GNAQ: variants seen among roughly 807,000 people sequenced by gnomAD.
GNAQ encodes the protein G protein subunit alpha q, also known as guanine nucleotide-binding protein G(q) subunit alpha.
A neutral mutation model predicts 43.9 loss-of-function variants in GNAQ; 8 were observed. The observed-to-expected ratio is 0.18, with a 90% CI of 0.11 to 0.33. The LOEUF is 0.33. Among genes scored for constraint, GNAQ ranks in the 10% least tolerant of loss-of-function variants. The probability of loss-of-function intolerance (pLI) is 1.00; values close to 1 mark genes in which losing one functional copy is unlikely to be tolerated. For synonymous variants in GNAQ, 155 were observed against 170.7 expected (o/e 0.91, Z 0.71); for missense variants, 158 against 450.8 (o/e 0.35, Z 5.88).
At chr9:77,725,484 G>A (rs1825382972) in intron 6 of GNAQ, among the ~76,000 whole-genome samples, 1 of 149,994 alleles carries the variant, frequency 6.7e-6, no homozygotes, top group African/African-American at 2.5e-5. Context: ...AATGACTGCT[G>A]CGCTGGCTTT....
intron 2 of GNAQ, among the ~76,000 whole-genome samples, chr9:77,894,088 T>C (rs946366008): frequency 6.6e-6 from 1 of 151,874 alleles, no homozygotes; most frequent in African/African-American, 2.4e-5. Flanking sequence ...AGAAATTATC[T>C]CACATGGCAA....
intron 5 of GNAQ, among the ~76,000 whole-genome samples, chr9:77,774,787 T>C (rs983271916): frequency 9.9e-5 from 15 of 152,218 alleles, no homozygotes; most frequent in Admixed American, 2.0e-4. Flanking sequence ...TTTATTAGAT[T>C]TTAATCTTTA....
chr9:77,827,768 T>C (rs1827222045), intron 2 of GNAQ, among the ~76,000 whole-genome samples: 1 of 151,998 alleles, frequency 6.6e-6, no homozygotes, highest in Non-Finnish European at 1.5e-5. Context: ...TTGGTAGAAA[T>C]ATCAATCTTT....
intron 2 of GNAQ, among the ~76,000 whole-genome samples, chr9:77,818,835 A>T (rs943379491): frequency 6.6e-6 from 1 of 151,918 alleles, no homozygotes; most frequent in Non-Finnish European, 1.5e-5. Flanking sequence ...CCCCATCTCT[A>T]TAAAAAACAG....
At chr9:77,918,086 C>A (rs989160858) in intron 2 of GNAQ, among the ~76,000 whole-genome samples, 7 of 152,170 alleles carry the variant, frequency 4.6e-5, no homozygotes, top group Non-Finnish European at 7.3e-5. Flanking sequence ...GCAGGAGCAA[C>A]AGAAACCTCA....
intron 1 of GNAQ, among the ~76,000 whole-genome samples, chr9:77,928,543 C>G (rs1382246967): frequency 6.6e-6 from 1 of 152,096 alleles, no homozygotes; most frequent in Admixed American, 6.6e-5. Context: ...TCATGTCAGT[C>G]CTGGACTTCT....
At chr9:78,030,947 CGCGGGTGA>C (rs1400186898) in intron 1 of GNAQ, among the ~76,000 whole-genome samples, 145 bp downstream of exon 1, 4 of 151,524 alleles carry the variant, frequency 2.6e-5, no homozygotes, top group African/African-American at 7.3e-5. Flanking sequence ...CGCGCGCCCG[CGCGGGTGA>C]AGGCAGTGGC....
intron 2 of GNAQ, among the ~76,000 whole-genome samples, chr9:77,887,434 T>C (rs1828326698): frequency 6.6e-6 from 1 of 152,266 alleles, no homozygotes; most frequent in African/African-American, 2.4e-5. Context: ...GAAATAGTTT[T>C]TAGGGCCAAG....
At chr9:77,872,060 T>A (rs933295099) in intron 2 of GNAQ, among the ~76,000 whole-genome samples, 4 of 152,232 alleles carry the variant, frequency 2.6e-5, no homozygotes, top group Admixed American at 6.5e-5. Flanking sequence ...AGCATGTGCA[T>A]CCAAAATTTC....
At chr9:77,923,004 T>C (rs35388126) in intron 1 of GNAQ, among the ~76,000 whole-genome samples, 44 of 149,072 alleles carry the variant, frequency 3.0e-4, no homozygotes, top group Admixed American at 1.5e-3. Context: ...TGCACTACGA[T>C]GCCCAGCTAA....
intron 5 of GNAQ, among the ~76,000 whole-genome samples, chr9:77,746,123 T>C (rs1024387550): frequency 2.0e-5 from 3 of 152,206 alleles, no homozygotes; most frequent in African/African-American, 7.2e-5. Flanking sequence ...TATCTGAGTC[T>C]ATACCCAGCC....
At chr9:77,896,137 CA>C (rs1828499311) in intron 2 of GNAQ, among the ~76,000 whole-genome samples, 1 of 152,084 alleles carries the variant, frequency 6.6e-6, no homozygotes, top group Admixed American at 6.6e-5. Context: ...AATCTGGGGG[CA>C]GGGGGCAGTT....
At chr9:77,968,059 T>C (rs991969089) in intron 1 of GNAQ, among the ~76,000 whole-genome samples, 1 of 152,230 alleles carries the variant, frequency 6.6e-6, no homozygotes, top group Admixed American at 6.5e-5. Flanking sequence ...TGCAATTAGA[T>C]GGTGGTAATG....
At chr9:78,002,123 C>T (rs983782468) in intron 1 of GNAQ, among the ~76,000 whole-genome samples, 5 of 152,176 alleles carry the variant, frequency 3.3e-5, no homozygotes, top group Non-Finnish European at 5.9e-5. Flanking sequence ...TTGACATTAG[C>T]AGTCAACCAT....
At chr9:77,786,572 G>T (rs1232150221) in intron 5 of GNAQ, among the ~76,000 whole-genome samples, 1 of 152,074 alleles carries the variant, frequency 6.6e-6, no homozygotes, top group Non-Finnish European at 1.5e-5. Flanking sequence ...CTCCAGTGAA[G>T]CATCTTTGCA....
chr9:77,733,749 G>T (rs943066711), intron 5 of GNAQ, among the ~76,000 whole-genome samples: 10 of 152,206 alleles, frequency 6.6e-5, no homozygotes, highest in Non-Finnish European at 1.5e-4. Context: ...AGCATGCAAT[G>T]CATCATCACA....
chr9:77,840,161 T>C (rs986578959), intron 2 of GNAQ, among the ~76,000 whole-genome samples: 1 of 152,168 alleles, frequency 6.6e-6, no homozygotes, highest in African/African-American at 2.4e-5. Flanking sequence ...ATTCAGTAAA[T>C]GGTTGGTTGA....
chr9:77,952,031 G>A (rs1010967717), intron 1 of GNAQ, among the ~76,000 whole-genome samples: 7 of 152,144 alleles, frequency 4.6e-5, no homozygotes, highest in Non-Finnish European at 1.0e-4. Context: ...ATGACCAGCA[G>A]GATAATCATG....
At chr9:77,897,994 A>C (rs1396628920) in intron 2 of GNAQ, among the ~76,000 whole-genome samples, 2 of 152,110 alleles carry the variant, frequency 1.3e-5, no homozygotes, top group Admixed American at 6.5e-5. Context: ...AAGATAAAGA[A>C]AGTGAATTGT....
Sources: gnomAD v4.1 joint callset for allele counts (sites outside exome capture counted in the v4.1 genomes callset) on GRCh38, gnomAD v4.1.1 for gene constraint, MANE v1.5 for transcripts, NCBI Gene and HGNC (gene_info 2026-07-23, HGNC 2026-07-21) for gene names.